The following LRGUK variants were observed in gnomAD, a reference collection of about 807,000 sequenced individuals.
LRGUK encodes leucine rich repeats and guanylate kinase domain containing.
LRGUK carries 65 observed loss-of-function variants against 76.0 expected under a neutral mutation model. That is an observed-to-expected ratio of 0.85 (90% CI 0.70 to 1.05). LRGUK has a LOEUF of 1.05. Among genes scored for constraint, LRGUK ranks in the 50% least tolerant of loss-of-function variants. LRGUK has a pLI of 0.00. For missense variants in LRGUK, 758 were observed against 732.8 expected (o/e 1.03, Z -0.40); for synonymous variants, 268 against 265.6 (o/e 1.01, Z -0.09).
intron 15 of LRGUK, among the ~76,000 whole-genome samples, chr7:134,218,481 G>A (rs1156808958): frequency 6.6e-6 from 1 of 152,114 alleles, no homozygotes; most frequent in Non-Finnish European, 1.5e-5. Context: ...TGCTGTATAA[G>A]AAATCTTATT....
chr7:134,209,857 C>A (rs1801174375), exon 16 of LRGUK: 7 of 399,346 alleles, frequency 1.8e-5, no homozygotes, highest in Admixed American at 1.3e-4. Context: ...CAGAACCTCG[C>A]ATCCTCAGTC....
intron 5 of LRGUK, among the ~76,000 whole-genome samples, chr7:134,150,848 A>G (rs1798193488): frequency 6.7e-6 from 1 of 149,966 alleles, no homozygotes; most frequent in Non-Finnish European, 1.5e-5. Context: ...TTGACATTAG[A>G]TGTAGCAATT....
At chr7:134,259,163 T>G (rs1377501623) in intron 19 of LRGUK, among the ~76,000 whole-genome samples, 3 of 152,174 alleles carry the variant, frequency 2.0e-5, no homozygotes. Flanking sequence ...ACCTCCTTTT[T>G]GCCCCTAGAT....
chr7:134,173,558 G>A (rs568413572), intron 7 of LRGUK, among the ~76,000 whole-genome samples: 2 of 151,930 alleles, frequency 1.3e-5, no homozygotes, highest in Non-Finnish European at 2.9e-5. Context: ...GAGAATTCAG[G>A]CCTGCCGCAA....
intron 16 of LRGUK, among the ~76,000 whole-genome samples, chr7:134,247,135 A>G (rs2544175): frequency 0.078 from 11,827 of 152,130 alleles, 1,133 homozygotes; most frequent in African/African-American, 0.22. Flanking sequence ...AATTTTTCCT[A>G]TTTCCGGATC....
intron 16 of LRGUK, among the ~76,000 whole-genome samples, chr7:134,245,975 A>T (rs532705521): frequency 2.0e-5 from 3 of 152,160 alleles, no homozygotes; most frequent in Non-Finnish European, 4.4e-5. Flanking sequence ...TGACTTTCCC[A>T]ATACAATTTT....
chr7:134,162,820 CCTT>C (rs1469580965), intron 6 of LRGUK, among the ~76,000 whole-genome samples: 2 of 119,628 alleles, frequency 1.7e-5, no homozygotes, highest in Non-Finnish European at 3.3e-5. Context: ...AAGCCAGACT[CCTT>C]CTCAAAAAAA....
intron 14 of LRGUK, among the ~76,000 whole-genome samples, chr7:134,200,016 ATATATATATAT>A (rs1264945588): frequency 7.6e-6 from 1 of 131,082 alleles, no homozygotes; most frequent in Non-Finnish European, 1.6e-5. Flanking sequence ...ATATATATAT[ATATATATATAT>A]ATGTATAATT....
intron 16 of LRGUK, 71 bp downstream of exon 16, chr7:134,221,989 T>C (rs1801613099): frequency 4.4e-6 from 6 of 1,357,720 alleles, no homozygotes; most frequent in Non-Finnish European, 5.8e-6. Context: ...GGGGATTTAA[T>C]ATTTTGAGAC....
At chr7:134,225,146 A>C (rs1239345330) in intron 16 of LRGUK, among the ~76,000 whole-genome samples, 4 of 151,026 alleles carry the variant, frequency 2.6e-5, no homozygotes, top group Middle Eastern at 6.8e-3. Context: ...AAAAAAAAAA[A>C]AAACCCACTC....
the LRGUK span, among the ~76,000 whole-genome samples, chr7:134,269,752 T>G: frequency 0.028 from 4,222 of 152,298 alleles, 89 homozygotes; most frequent in Non-Finnish European, 0.04. Flanking sequence ...ATAAAAGATG[T>G]GTGCGCTGTG....
rs781143667 is a variant in LRGUK, at chr7:134,199,268, G to C, written c.1594G>C (p.Val532Leu). 6 of 1,613,830 alleles carry C rather than the reference G, an allele frequency of 3.7e-6. No homozygotes were observed. In the South Asian group the frequency reaches 6.6e-5, roughly 18 times the overall value. The change falls in exon 14 of 16, where the codon GTG becomes CTG. Residue 532 changes from valine to leucine, a missense_variant. Coordinates refer to ENST00000645682, the Ensembl canonical transcript of LRGUK. ...CTATTTTGAGCCTCGTTATATCCTG[G>C]TGGTGCCCATGAACAAGGAAAAATA...
At chr7:134,188,283 G>A (rs1248664613) in intron 11 of LRGUK, among the ~76,000 whole-genome samples, 5 of 152,096 alleles carry the variant, frequency 3.3e-5, no homozygotes, top group Non-Finnish European at 7.3e-5. Flanking sequence ...AGTTGAGGGT[G>A]TATTCTAGGC....
chr7:134,166,076 C>A (rs1376593742), intron 7 of LRGUK, among the ~76,000 whole-genome samples: 1 of 151,754 alleles, frequency 6.6e-6, no homozygotes, highest in Non-Finnish European at 1.5e-5. Context: ...TTTGAGCCTT[C>A]AGGAAAGTTC....
At chr7:134,226,450 C>A (rs749866184) in intron 16 of LRGUK, among the ~76,000 whole-genome samples, 1 of 152,108 alleles carries the variant, frequency 6.6e-6, no homozygotes, top group Non-Finnish European at 1.5e-5. Flanking sequence ...GTTGTGATTA[C>A]AAAATAACGA....
intron 7 of LRGUK, among the ~76,000 whole-genome samples, chr7:134,167,534 A>T (rs1037333830): frequency 6.6e-6 from 1 of 152,148 alleles, no homozygotes; most frequent in African/African-American, 2.4e-5. Flanking sequence ...CGCAGGTTCC[A>T]CACCGTCTGA....
At chr7:134,158,230 C>A in intron 6 of LRGUK, 71 bp downstream of exon 6, 1 of 1,345,134 alleles carries the variant, frequency 7.4e-7, no homozygotes, top group Non-Finnish European at 1.0e-6. Context: ...TGAATTATGA[C>A]TACTTAGGAT....
At chr7:134,273,906 A>G in the LRGUK span, among the ~76,000 whole-genome samples, 1 of 152,140 alleles carries the variant, frequency 6.6e-6, no homozygotes, top group Admixed American at 6.5e-5. Flanking sequence ...AATATTAACT[A>G]TGTGGTTCCC....
Position 134,174,604 on chromosome 7 carries a change from C to T in LRGUK, c.988C>T (p.Arg330Ter), listed in dbSNP as rs369025594. 11 of 1,607,900 alleles carry T rather than the reference C, an allele frequency of 6.8e-6. No individual in the cohort carries two copies. Among genetic ancestry groups the T allele is most frequent in the Admixed American group, 3.3e-5 (2 of 59,878 alleles). ...ATACATTAAAAATTTACCCATCCTT[C>T]GAGTTCTCAATCTTCTAGAAAATCC... is the stretch of plus-strand genomic sequence containing the variant. The change falls in exon 8 of 16, where the codon CGA (arginine) becomes TGA (stop). Residue 330 changes from arginine (R) to a stop codon, truncating the protein, a stop_gained. Transcript: ENST00000645682. LOFTEE classifies it high-confidence loss of function.
Sources: allele counts gnomAD v4.1 joint callset (sites outside exome capture counted in the v4.1 genomes callset), GRCh38; gene constraint gnomAD v4.1.1; transcripts MANE v1.5; gene names NCBI Gene and HGNC (gene_info 2026-07-23, HGNC 2026-07-21).